The following FAM200B variants were observed in gnomAD, a reference collection of about 807,000 sequenced individuals.
FAM200B encodes the protein zinc finger BED-type containing 11, also known as protein FAM200B.
In FAM200B, 32 loss-of-function variants were observed where a neutral mutation model predicts 33.1. That is an observed-to-expected ratio of 0.97 (90% confidence interval 0.73 to 1.30). The LOEUF (loss-of-function observed/expected upper bound fraction) is 1.30. FAM200B is among the 50% of genes most tolerant of loss of function. The probability of loss-of-function intolerance (pLI) is 0.00; values close to 1 mark genes in which losing one functional copy is unlikely to be tolerated. For missense variants in FAM200B, 741 were observed against 754.0 expected, an observed-to-expected ratio of 0.98 and a Z score of 0.20; for synonymous variants, 240 against 264.8, an observed-to-expected ratio of 0.91 and a Z score of 0.91.
chr4:15,652,037 CAT>C, the FAM200B span, among the ~76,000 whole-genome samples: 3 of 152,192 alleles, frequency 2.0e-5, no homozygotes, highest in African/African-American at 7.2e-5. Context: ...CTAGAGACCA[CAT>C]GTCACATTGC....
chr4:15,654,763 G>A, the FAM200B span, among the ~76,000 whole-genome samples: 1 of 152,200 alleles, frequency 6.6e-6, no homozygotes, highest in African/African-American at 2.4e-5. Flanking sequence ...GAACAGGCCC[G>A]GGGGAGTGAC....
At chr4:15,674,356 A>AACACTGTACTGGGTATGT in the FAM200B span, among the ~76,000 whole-genome samples, 1 of 152,208 alleles carries the variant, frequency 6.6e-6, no homozygotes, top group Admixed American at 6.5e-5. Context: ...AAACAGAGTT[A>AACACTGTACTGGGTATGT]ACACTGTACT....
At position 15,688,301 on chromosome 4, in the gene FAM200B, C is replaced by A; in HGVS notation, c.1324C>A (p.Leu442Met). The A allele has an allele frequency of 6.5e-7, 1 of 1,549,556 alleles. No individual in the cohort carries two copies. Among genetic ancestry groups the A allele is most frequent in the Non-Finnish European group, 8.7e-7 (1 of 1,145,236 alleles). The change falls in exon 2 of 2, where the codon CTG (leucine) becomes ATG (methionine). Residue 442 changes from leucine (L) to methionine (M), a missense_variant. Leu to Met is a conservative substitution (Grantham distance 15). Coordinates refer to ENST00000422728, the MANE Select transcript of FAM200B (RefSeq NM_001145191.2). ...TGATATTTTTAGCATTCTTAATGAA[C>A]TGAGTTTAAAACTACAGGGGAAAAA... ...LTDIFSILNE[L>M]SLKLQGKNSD...
At chr4:15,677,738 T>C (rs1718047617), upstream of FAM200B, among the ~76,000 whole-genome samples, 1 of 152,222 alleles carries the variant, frequency 6.6e-6, no homozygotes, top group Non-Finnish European at 1.5e-5. Context: ...TTGTATCCTT[T>C]ACACAAAAAT....
upstream of FAM200B, among the ~76,000 whole-genome samples, chr4:15,680,670 CG>C (rs1388993150): frequency 1.3e-5 from 2 of 151,060 alleles, no homozygotes; most frequent in Non-Finnish European, 2.9e-5. Context: ...AGTGAGACTC[CG>C]TCTCAAAAAT....
chr4:15,668,780 C>T, the FAM200B span, among the ~76,000 whole-genome samples: 1 of 152,110 alleles, frequency 6.6e-6, no homozygotes, highest in Non-Finnish European at 1.5e-5. Context: ...AGTGATAAAG[C>T]CTTATTATCA....
the FAM200B span, among the ~76,000 whole-genome samples, chr4:15,651,783 C>T: frequency 6.6e-6 from 1 of 152,142 alleles, no homozygotes; most frequent in Non-Finnish European, 1.5e-5. Context: ...AATTTGGGCA[C>T]ACCTTAAGGC....
At chr4:15,639,524 C>A in the FAM200B span, among the ~76,000 whole-genome samples, 1 of 152,180 alleles carries the variant, frequency 6.6e-6, no homozygotes, top group African/African-American at 2.4e-5. Context: ...ATGGAGATTT[C>A]TTCTGCTAAA....
In FAM200B at chr4:15,687,362, A is replaced by C. The variant is rs774127131; in HGVS notation, c.385A>C (p.Ile129Leu). ...LEYFQRKKKD[I>L]KLSTQFLSCS... is the part of the protein sequence containing the mutation. ...ATATTTTCAAAGAAAGAAAAAAGAC[A>C]TAAAGTTATCAACACAATTTCTTAG... is the stretch of plus-strand genomic sequence containing the variant. The change falls in exon 2 of 2, where the codon ATA (isoleucine) becomes CTA (leucine). Residue 129 changes from isoleucine to leucine, a missense_variant. Transcript: ENST00000422728. 6.5e-7 allele frequency: 1 copy of C among 1,546,270 alleles called. No homozygotes were observed. Among genetic ancestry groups the C allele is most frequent in the African/African-American group, 1.4e-5 (1 of 72,720 alleles).
chr4:15,651,722 A>C, the FAM200B span, among the ~76,000 whole-genome samples: 14 of 152,330 alleles, frequency 9.2e-5, no homozygotes, highest in Admixed American at 3.3e-4. Context: ...TAAATGTATA[A>C]ATAAATTCTT....
At chr4:15,651,616 A>T in the FAM200B span, among the ~76,000 whole-genome samples, 3 of 152,192 alleles carry the variant, frequency 2.0e-5, no homozygotes, top group South Asian at 6.2e-4. Flanking sequence ...CAATAAAGCT[A>T]TACTCACTCA....
the FAM200B span, among the ~76,000 whole-genome samples, chr4:15,646,369 T>TG: frequency 4.8e-5 from 1 of 20,730 alleles, no homozygotes; most frequent in Non-Finnish European, 1.2e-4. Flanking sequence ...ATATTATAGA[T>TG]TTTTTTTTAA....
chr4:15,668,576 G>A, the FAM200B span, among the ~76,000 whole-genome samples: 3 of 151,716 alleles, frequency 2.0e-5, no homozygotes, highest in East Asian at 5.8e-4. Flanking sequence ...AAAGAAAAAA[G>A]GAAGTATAAA....
the FAM200B span, chr4:15,638,430 C>T: frequency 9.0e-7 from 1 of 1,110,150 alleles, no homozygotes; most frequent in Non-Finnish European, 1.2e-6. Flanking sequence ...ATTCCTCAAC[C>T]AAAATCTACA....
At chr4:15,657,646 T>A in the FAM200B span, among the ~76,000 whole-genome samples, 1 of 152,266 alleles carries the variant, frequency 6.6e-6, no homozygotes, top group Non-Finnish European at 1.5e-5. Context: ...AAAGTGATTT[T>A]AAAAATAATC....
At chr4:15,666,140 T>G in the FAM200B span, among the ~76,000 whole-genome samples, 1 of 152,206 alleles carries the variant, frequency 6.6e-6, no homozygotes, top group Non-Finnish European at 1.5e-5. Context: ...GGTTCACACC[T>G]GTACTCCAAG....
chr4:15,641,096 A>C, the FAM200B span, among the ~76,000 whole-genome samples: 2 of 152,258 alleles, frequency 1.3e-5, no homozygotes, highest in East Asian at 1.9e-4. Flanking sequence ...TTTTTAAAAT[A>C]TCATAAAAAG....
chr4:15,678,869 C>A, upstream of FAM200B, among the ~76,000 whole-genome samples: 1 of 152,092 alleles, frequency 6.6e-6, no homozygotes. Flanking sequence ...CTGTTTCTCA[C>A]TCTACTGTTG....
chr4:15,644,397 T>C, the FAM200B span: 2 of 985,808 alleles, frequency 2.0e-6, no homozygotes, highest in Admixed American at 2.4e-5. Flanking sequence ...TTTTCAACAT[T>C]ACATCATTTA....
Sources: gnomAD v4.1 joint callset for allele counts (sites outside exome capture counted in the v4.1 genomes callset) on GRCh38, gnomAD v4.1.1 for gene constraint, MANE v1.5 for transcripts, NCBI Gene and HGNC (gene_info 2026-07-23, HGNC 2026-07-21) for gene names.